Variants in MCF2L observed in about 807,000 individuals in gnomAD.
MCF2L encodes MCF.2 cell line derived transforming sequence like.
MCF2L carries 97 observed loss-of-function variants against 153.4 expected under a neutral mutation model. The observed-to-expected ratio is 0.63, with a 90% CI of 0.54 to 0.75. The LOEUF is 0.75. Ranked by LOEUF, MCF2L falls within the 30% of genes least tolerant of loss-of-function variation. MCF2L has a pLI of 0.00. For missense variants in MCF2L, 1,347 were observed against 1,495.2 expected (o/e 0.90, Z 1.64); for synonymous variants, 659 against 632.2 (o/e 1.04, Z -0.64).
intron 2 of MCF2L, chr13:112,917,077 C>T: frequency 2.1e-6 from 1 of 471,280 alleles, no homozygotes; most frequent in Non-Finnish European, 4.4e-6. Flanking sequence ...GTCGTTTCTC[C>T]TGTCTAAACC....
In MCF2L at chr13:113,087,698, T is replaced by G. The variant is rs780633716; in HGVS notation, c.2596-9T>G. ...GCACGCGAACCCCATCTCCACTCTC[T>G]GCTCGCAGATGGCTGCCGTTGGCAT... On this transcript the variant is annotated splice_polypyrimidine_tract_variant and intron_variant, in intron 22 of 29. Coordinates refer to ENST00000535094, the MANE Select transcript of MCF2L (RefSeq NM_001112732.3). 9 of 1,611,890 alleles carry G rather than the reference T, an allele frequency of 5.6e-6. No individual in the cohort carries two copies. The highest frequency in any genetic ancestry group is 7.6e-6 in the Non-Finnish European group (9 of 1,178,116).
At chr13:112,997,832 G>A (rs539800188) in intron 1 of MCF2L, among the ~76,000 whole-genome samples, 4 of 152,230 alleles carry the variant, frequency 2.6e-5, no homozygotes, top group Non-Finnish European at 5.9e-5. Context: ...GCGTGGTGAC[G>A]CTCATTGTTC....
At chr13:113,077,264 C>T (rs948220769) in intron 13 of MCF2L, 53 bp downstream of exon 13, 13 of 1,454,876 alleles carry the variant, frequency 8.9e-6, no homozygotes, top group South Asian at 5.9e-5. Flanking sequence ...GGGGGAGCCC[C>T]GGGCGTTGAG....
chr13:113,070,383 A>G lies in MCF2L; in HGVS notation c.996+210A>G, dbSNP rs1180616219. ...ATTGATGACTGCGTCATTGTATAGA[A>G]AGGTGATTGAAAATCAGCTCACTGG... On this transcript the variant is annotated intron_variant, in intron 9 of 29. Coordinates refer to ENST00000535094, the MANE Select transcript of MCF2L (RefSeq NM_001112732.3). This position sits in a 1 kb window ranked among gnomAD's most constrained non-coding sequence, Gnocchi z 5.6. 2 of 395,160 alleles carry G rather than the reference A, an allele frequency of 5.1e-6. No homozygotes were observed. Among genetic ancestry groups the G allele is most frequent in the Non-Finnish European group, 9.0e-6 (2 of 223,132 alleles). 24.5% of individuals were successfully genotyped at this position (395,160 alleles called of 1,614,324 possible).
At chr13:112,958,501 C>T (rs369776236) in intron 2 of MCF2L, among the ~76,000 whole-genome samples, 6 of 152,204 alleles carry the variant, frequency 3.9e-5, no homozygotes, top group Non-Finnish European at 4.4e-5. Context: ...GCACAGCCCC[C>T]GACGAGGGTG....
chr13:113,033,624 T>C (rs964351002), intron 3 of MCF2L, among the ~76,000 whole-genome samples: 6 of 152,060 alleles, frequency 3.9e-5, no homozygotes, highest in African/African-American at 1.5e-4. Flanking sequence ...ATGCTCCAGC[T>C]GGGTGATTTC....
chr13:112,894,510 G>A (rs921957549), intron 1 of MCF2L: 1 of 151,804 alleles, frequency 6.6e-6, no homozygotes, highest in Non-Finnish European at 1.5e-5. Context: ...AGGAAGCGTC[G>A]CGGTCGCTCC....
intron 1 of MCF2L, among the ~76,000 whole-genome samples, chr13:113,002,599 C>A (rs1279329923): frequency 6.6e-6 from 1 of 152,214 alleles, no homozygotes; most frequent in East Asian, 1.9e-4. Context: ...GGCTCAGGGG[C>A]TGCTGGTCCA....
At chr13:112,968,455 G>C (rs779612497), upstream of MCF2L, 21 of 1,586,912 alleles carry the variant, frequency 1.3e-5, no homozygotes, top group East Asian at 4.6e-5. Flanking sequence ...AGTGTGGCTT[G>C]GTGCCAACCA....
intron 2 of MCF2L, among the ~76,000 whole-genome samples, chr13:112,963,781 C>T (rs1304444251): frequency 4.6e-5 from 7 of 152,178 alleles, no homozygotes; most frequent in East Asian, 1.9e-4. Context: ...CCATGGAAGA[C>T]AGGGAGAGAT....
upstream of MCF2L, chr13:112,968,043 A>G (rs116315063): frequency 7.9e-3 from 1,713 of 216,294 alleles, 37 homozygotes; most frequent in African/African-American, 0.04. Context: ...CCTCAGCCAT[A>G]TGATGCTTGA....
At chr13:113,050,663 G>A (rs1269945471) in intron 4 of MCF2L, among the ~76,000 whole-genome samples, 1 of 82,470 alleles carries the variant, frequency 1.2e-5, no homozygotes, top group Non-Finnish European at 2.5e-5. Flanking sequence ...CGTGGGGGCC[G>A]GGGCGGTGGA....
intron 27 of MCF2L, chr13:113,096,036 A>G (rs1056243312): frequency 1.1e-5 from 5 of 442,900 alleles, no homozygotes; most frequent in African/African-American, 6.2e-5. Context: ...GCAAAGCAGC[A>G]TGGAAATAAG....
At chr13:113,002,504 G>C (rs949565588) in intron 1 of MCF2L, among the ~76,000 whole-genome samples, 1 of 152,256 alleles carries the variant, frequency 6.6e-6, no homozygotes, top group Non-Finnish European at 1.5e-5. Flanking sequence ...TAGGTAAGCA[G>C]GACTTGGGAG....
intron 2 of MCF2L, among the ~76,000 whole-genome samples, chr13:112,946,968 CT>C (rs2081644296): frequency 5.3e-5 from 8 of 152,196 alleles, no homozygotes; most frequent in Admixed American, 3.9e-4. Context: ...CCCAGGGTTT[CT>C]TTTGGTCTCG....
intron 26 of MCF2L, chr13:113,093,693 T>G (rs2035408841): frequency 6.6e-6 from 1 of 152,344 alleles, no homozygotes; most frequent in South Asian, 2.1e-4. Context: ...TCTGCCTGTT[T>G]CCCTGGTGTG....
intron 2 of MCF2L, 62 bp from the exon 3 acceptor site, chr13:113,024,582 T>G (rs537992062): frequency 1.2e-4 from 129 of 1,056,264 alleles, no homozygotes; most frequent in Non-Finnish European, 1.8e-4. Flanking sequence ...CGGGCCGACA[T>G]CTGTGGAACC....
Position 113,096,796 on chromosome 13 carries a change from G to A in MCF2L, c.3315G>A (p.Val1105=), listed in dbSNP as rs756807130. 7.0e-6 allele frequency: 11 copies of A among 1,562,556 alleles called. No individual in the cohort carries two copies. The highest frequency in any genetic ancestry group is 8.6e-6 in the Non-Finnish European group (10 of 1,164,336). Residue 1105 remains valine (V), a synonymous_variant, in exon 30 of 30, where the codon GTG becomes GTA. Transcript: ENST00000535094. ...CAGAGTCGAGCCCGGGGTCGGCCGT[G>A]CTGAGCAACTCGTCCAGCTGCAGCG... ...SSSESSPGSA[V]LSNSSSCSEG... is the part of the protein sequence containing the mutation.
At chr13:112,986,589 G>A (rs556793657) in intron 1 of MCF2L, among the ~76,000 whole-genome samples, 3 of 152,308 alleles carry the variant, frequency 2.0e-5, no homozygotes, top group South Asian at 2.1e-4. Flanking sequence ...GAGGACAGGC[G>A]GTCCCCTGGG....
Sources: allele counts gnomAD v4.1 joint callset (sites outside exome capture counted in the v4.1 genomes callset), GRCh38; gene constraint gnomAD v4.1.1; non-coding constraint Gnocchi (gnomAD v3.1); transcripts MANE v1.5; gene names NCBI Gene and HGNC (gene_info 2026-07-23, HGNC 2026-07-21).